Variants in FECH observed in about 807,000 individuals in gnomAD.
FECH encodes ferrochelatase, also known as ferrochelatase, mitochondrial.
A neutral mutation model predicts 56.9 loss-of-function variants in FECH; 40 were observed. The ratio of observed to expected loss-of-function variants is 0.70; its 90% confidence interval spans 0.55 to 0.92. The LOEUF (loss-of-function observed/expected upper bound fraction) is 0.92, where lower values mean the gene tolerates loss of function less well. Ranked by LOEUF, FECH falls within the 40% of genes least tolerant of loss-of-function variation. The pLI is 0.00. For missense variants in FECH, 431 were observed against 529.1 expected, an observed-to-expected ratio of 0.81 and a Z score of 1.82; for synonymous variants, 175 against 198.6, an observed-to-expected ratio of 0.88 and a Z score of 1.00.
rs979090249 is a variant in FECH at position 57,549,642 on chromosome 18, C to G, written c.*1070G>C. ...CCAAGGTGACAATGGCATTAAATGG[C>G]ATTAAAAATATCTACAGGAAAGGAC... On this transcript the variant is annotated 3_prime_UTR_variant, in exon 11 of 11. Transcript: ENST00000262093. 3 of 152,012 alleles carry G rather than the reference C, an allele frequency of 2.0e-5. No individual in the cohort carries two copies. Among genetic ancestry groups the G allele is most frequent in the African/African-American group, 7.3e-5 (3 of 41,368 alleles). 9.4% of individuals were successfully genotyped at this position (152,012 alleles called of 1,614,324 possible).
rs557123449 is a variant in FECH at position 57,545,399 on chromosome 18, A to G, written c.*5313T>C. ...TATCACAGTATGTTGTAAGAAACTG[A>G]TTATCATGGGGTGCATTTTTCACTT... On this transcript the variant is annotated 3_prime_UTR_variant, in exon 11 of 11. Transcript: ENST00000262093. Among the ~76,000 whole-genome samples, 2 of 152,226 alleles carry G rather than the reference A, an allele frequency of 1.3e-5. No homozygotes were observed. Among genetic ancestry groups the G allele is most frequent in the Non-Finnish European group, 2.9e-5 (2 of 68,048 alleles).
At chr18:57,586,210 A>G (rs1181668384) in intron 1 of FECH, among the ~76,000 whole-genome samples, 1 of 152,228 alleles carries the variant, frequency 6.6e-6, no homozygotes, top group African/African-American at 2.4e-5. Context: ...TGGCAGGCCC[A>G]TAACATACCT....
Position 57,550,800 on chromosome 18 carries a change from C to T in FECH, c.1184G>A (p.Cys395Tyr), listed in dbSNP as rs2050787613. The part of the protein sequence containing the change: ...VHSHIQSNEL[C>Y]SKQLTLSCPL... ...ACAGCTCAGGGTCAGCTGCTTGGAA[C>T]ACAGCTCGTTTGACTGGATGTGTGA... Residue 395 changes from cysteine to tyrosine, a missense_variant, in exon 11 of 11, where the codon TGT becomes TAT. Physicochemically the swap from Cys to Tyr is radical, Grantham distance 194. Coordinates refer to ENST00000262093, the MANE Select transcript of FECH (RefSeq NM_000140.5). 1.2e-6 allele frequency: 2 copies of T among 1,613,988 alleles called. No individual in the cohort carries two copies. The highest frequency in any genetic ancestry group is 2.7e-5 in the African/African-American group (2 of 74,922).
chr18:57,562,792 G>T, intron 6 of FECH, 82 bp downstream of exon 6: 1 of 1,004,950 alleles, frequency 1.0e-6, no homozygotes. Context: ...GGCTCAGAAG[G>T]ACATCCACAA....
chr18:57,572,247 T>C (rs1168659803), intron 3 of FECH, among the ~76,000 whole-genome samples: 1 of 151,960 alleles, frequency 6.6e-6, no homozygotes, highest in Admixed American at 6.6e-5. Flanking sequence ...AAGGGATGAG[T>C]TCATGTCCTT....
intron 2 of FECH, among the ~76,000 whole-genome samples, chr18:57,577,797 G>A (rs1020690906): frequency 6.6e-6 from 1 of 152,138 alleles, no homozygotes; most frequent in Admixed American, 6.5e-5. Context: ...GCTCACACCT[G>A]TAATCCCAGC....
intron 7 of FECH, 45 bp from the exon 8 acceptor site, chr18:57,554,997 G>A: frequency 6.8e-7 from 1 of 1,473,162 alleles, no homozygotes; most frequent in Non-Finnish European, 9.5e-7. Context: ...ACACTGGGAA[G>A]GCCCCGAGAG....
At chr18:57,577,258 C>T (rs940144609) in intron 2 of FECH, among the ~76,000 whole-genome samples, 7 of 152,176 alleles carry the variant, frequency 4.6e-5, no homozygotes, top group African/African-American at 1.7e-4. Context: ...CCCCTACTGC[C>T]TGTTTTTGTA....
At position 57,549,152 on chromosome 18, in the gene FECH, A is replaced by C. The variant is rs1293873173; in HGVS notation, c.*1560T>G. On this transcript the variant is annotated 3_prime_UTR_variant, in exon 11 of 11. Coordinates refer to ENST00000262093, the MANE Select transcript of FECH (RefSeq NM_000140.5). ...AGAAACACAATCTACTAGTAGAAAAACCAATTTGAAATTTTAAAAATGTGG... is the reference window on the plus strand; with the variant it reads ...AGAAACACAATCTACTAGTAGAAAACCCAATTTGAAATTTTAAAAATGTGG... 6.6e-6 allele frequency: 1 copy of C among 152,116 alleles called. No homozygotes were observed. The highest frequency in any genetic ancestry group is 2.4e-5 in the African/African-American group (1 of 41,412). 9.4% of individuals were successfully genotyped at this position (152,116 alleles called of 1,614,324 possible).
intron 1 of FECH, among the ~76,000 whole-genome samples, chr18:57,583,827 C>G (rs997790983): frequency 1.3e-5 from 2 of 151,840 alleles, no homozygotes; most frequent in African/African-American, 4.8e-5. Flanking sequence ...AAAAAGAAGG[C>G]CTACAAACAA....
intron 4 of FECH, 131 bp downstream of exon 4, chr18:57,571,261 T>C: frequency 2.2e-6 from 2 of 926,756 alleles, no homozygotes; most frequent in South Asian, 1.5e-5. Context: ...TAAGTGACCA[T>C]GTATTATGTA....
chr18:57,563,804 G>T (rs1008728521), intron 5 of FECH, among the ~76,000 whole-genome samples: 6 of 151,880 alleles, frequency 4.0e-5, no homozygotes, highest in African/African-American at 1.5e-4. Flanking sequence ...ATGCAATTCT[G>T]CATGCTGAGT....
intron 10 of FECH, 103 bp from the exon 11 acceptor site, chr18:57,550,949 T>A: frequency 6.7e-7 from 1 of 1,502,114 alleles, no homozygotes; most frequent in Non-Finnish European, 9.1e-7. Flanking sequence ...GGCTTGGGGT[T>A]TCTTTTCATC....
At chr18:57,586,494 C>A in intron 1 of FECH, 60 bp downstream of exon 1, 1 of 1,498,942 alleles carries the variant, frequency 6.7e-7, no homozygotes, top group Non-Finnish European at 8.9e-7. Context: ...CAGCTGCCCG[C>A]TCTGCCCACG....
rs1174728944 is a variant in FECH, at chr18:57,546,109, A to AT, written c.*4602dup. On this transcript the variant is annotated 3_prime_UTR_variant, in exon 11 of 11. Coordinates refer to ENST00000262093, the MANE Select transcript of FECH (RefSeq NM_000140.5). ...GAATTTTCTTATTCCAGCTTGTGACATCTCAATGAATTTCCCATTTCCACC... is the reference window on the plus strand; with the variant it reads ...GAATTTTCTTATTCCAGCTTGTGACATTCTCAATGAATTTCCCATTTCCACC... 6.6e-6 allele frequency among the ~76,000 whole-genome samples: 1 copy of AT among 152,190 alleles called. No individual in the cohort carries two copies. Among genetic ancestry groups the AT allele is most frequent in the Non-Finnish European group, 1.5e-5 (1 of 68,038 alleles).
In FECH at chr18:57,554,913, C is replaced by T. The variant is rs770820411; in HGVS notation, c.844G>A (p.Ala282Thr). Residue 282 changes from alanine to threonine, a missense_variant, in exon 8 of 11, where the codon GCC becomes ACC. Coordinates refer to ENST00000262093, the MANE Select transcript of FECH (RefSeq NM_000140.5). ...CTTTCCATGACTTTTTGGACAGTGG[C>T]GCTTACCTCCTGAGGATATGGGTCG... ...RGDPYPQEVS[A>T]TVQKVMERLE... 8.1e-6 allele frequency: 13 copies of T among 1,614,122 alleles called. No homozygotes were observed. The East Asian group carries it at 1.1e-4, about 14-fold the overall frequency.
chr18:57,554,243 C>A lies in FECH; in HGVS notation c.1077+17G>T. On this transcript the variant is annotated intron_variant, in intron 9 of 10. Transcript: ENST00000262093. ...AAAACAAGTCATGATGGGAAAAAGG[C>A]AGATGGGTGCATTTACCTCCTTGGC... 1 of 1,614,132 alleles carries A rather than the reference C, an allele frequency of 6.2e-7. No homozygotes were observed. The highest frequency in any genetic ancestry group is 1.1e-5 in the South Asian group (1 of 91,080).
chr18:57,566,410 C>T (rs372728095), intron 5 of FECH, 37 bp downstream of exon 5: 16 of 1,613,758 alleles, frequency 9.9e-6, no homozygotes, highest in Admixed American at 6.7e-5. Flanking sequence ...TTGCCAGCAC[C>T]GTATCTACCT....
intron 4 of FECH, among the ~76,000 whole-genome samples, chr18:57,568,271 C>T (rs1326039900): frequency 6.6e-6 from 1 of 152,222 alleles, no homozygotes; most frequent in Non-Finnish European, 1.5e-5. Flanking sequence ...TGCCTAGGGT[C>T]TGGGAGTTCC....
Sources: gnomAD v4.1 joint callset for allele counts (sites outside exome capture counted in the v4.1 genomes callset) on GRCh38, gnomAD v4.1.1 for gene constraint, MANE v1.5 for transcripts, NCBI Gene and HGNC (gene_info 2026-07-23, HGNC 2026-07-21) for gene names.